The following ECT2L variants were observed in gnomAD, a reference collection of about 807,000 sequenced individuals.
ECT2L encodes epithelial cell-transforming sequence 2 oncogene-like.
A neutral mutation model predicts 122.8 loss-of-function variants in ECT2L; 126 were observed. That is an observed-to-expected ratio of 1.03 (90% CI 0.89 to 1.19). The LOEUF (loss-of-function observed/expected upper bound fraction) is 1.19. Among genes scored for constraint, ECT2L ranks in the 50% most tolerant of loss-of-function variants. ECT2L has a pLI of 0.00. For synonymous variants in ECT2L, 385 were observed against 381.8 expected, an observed-to-expected ratio of 1.01 and a Z score of -0.10; for missense variants, 1,012 against 1,064.1, an observed-to-expected ratio of 0.95 and a Z score of 0.68.
chr6:138,797,645 A>G (rs545202549), intron 1 of ECT2L, among the ~76,000 whole-genome samples: 10 of 104,608 alleles, frequency 9.6e-5, no homozygotes, highest in African/African-American at 2.1e-4. Context: ...TTCTGAGAGG[A>G]AAAAAAAAAC....
chr6:138,882,465 AT>A (rs1230738647), intron 15 of ECT2L, among the ~76,000 whole-genome samples: 1 of 152,154 alleles, frequency 6.6e-6, no homozygotes, highest in African/African-American at 2.4e-5. Context: ...CAGCAGCTGT[AT>A]TGTGGCCATT....
chr6:138,877,547 A>G lies in ECT2L; in HGVS notation c.1665+989A>G, dbSNP rs536316103. Among the ~76,000 whole-genome samples, 5 of 152,332 alleles carry G rather than the reference A, an allele frequency of 3.3e-5. No individual in the cohort carries two copies. The South Asian group carries it at 1.0e-3, about 32-fold the overall frequency. Reference sequence around the variant, plus strand: ...ACACATATAATATTAAAAAAATAATATGGACTGTAAGCCAACTGCCAAGTA... The same window carrying G: ...ACACATATAATATTAAAAAAATAATGTGGACTGTAAGCCAACTGCCAAGTA... On this transcript the variant is annotated intron_variant, in intron 14 of 21. Coordinates refer to ENST00000541398, the MANE Select transcript of ECT2L (RefSeq NM_001077706.3).
At chr6:138,875,004 T>C (rs573069085) in intron 13 of ECT2L, among the ~76,000 whole-genome samples, 186 of 152,262 alleles carry the variant, frequency 1.2e-3, no homozygotes, top group African/African-American at 4.3e-3. Context: ...GGGAGATCAA[T>C]TGAGCTTGGG....
At chr6:138,888,627 TAATAGCTAC>T (rs1199668371) in intron 19 of ECT2L, among the ~76,000 whole-genome samples, 5 of 152,150 alleles carry the variant, frequency 3.3e-5, no homozygotes, top group Non-Finnish European at 7.3e-5. Flanking sequence ...TTCTTTTTCT[TAATAGCTAC>T]CTTCTTATCC....
chr6:138,853,270 T>C (rs1777511115), intron 9 of ECT2L, among the ~76,000 whole-genome samples: 1 of 152,164 alleles, frequency 6.6e-6, no homozygotes, highest in Admixed American at 6.5e-5. Context: ...CTGGCCCTTA[T>C]TTTGTTTTTC....
At chr6:138,899,296 T>A (rs1779318695) in intron 20 of ECT2L, among the ~76,000 whole-genome samples, 1 of 152,162 alleles carries the variant, frequency 6.6e-6, no homozygotes, top group Non-Finnish European at 1.5e-5. Context: ...CACCATGAAG[T>A]ACTAGTCATT....
At chr6:138,882,556 TC>T (rs1040957772) in intron 15 of ECT2L, among the ~76,000 whole-genome samples, 167 bp from the exon 16 acceptor site, 1 of 152,132 alleles carries the variant, frequency 6.6e-6, no homozygotes, top group Non-Finnish European at 1.5e-5. Flanking sequence ...ACGTCCCAGT[TC>T]CCTTTCCTGT....
At chr6:138,868,400 T>C (rs923245640) in intron 13 of ECT2L, among the ~76,000 whole-genome samples, 194 bp downstream of exon 13, 1 of 152,040 alleles carries the variant, frequency 6.6e-6, no homozygotes, top group Non-Finnish European at 1.5e-5. Context: ...AACAGACAAG[T>C]AGGAAAATCT....
At position 138,891,060 on chromosome 6, in the gene ECT2L, T is replaced by C. The variant is rs191690199; in HGVS notation, c.2414+2029T>C. Among the ~76,000 whole-genome samples the C allele has an allele frequency of 4.4e-3, 671 of 152,150 alleles. 4 individuals carry two copies. The highest frequency in any genetic ancestry group is 0.015 in the African/African-American group (639 of 41,502). On this transcript the variant is annotated intron_variant, in intron 20 of 21. Coordinates refer to ENST00000541398, the MANE Select transcript of ECT2L (RefSeq NM_001077706.3). ...CCTGAAAAATGAGTTCAGGCCATGA[T>C]AGGAAGGGGGGATTGGATATGCCTC...
At chr6:138,833,325 A>T (rs1562463820) in intron 4 of ECT2L, among the ~76,000 whole-genome samples, 1 of 152,228 alleles carries the variant, frequency 6.6e-6, no homozygotes, top group Non-Finnish European at 1.5e-5. Context: ...TGTTTCCCCC[A>T]GCTTTTGCTA....
intron 5 of ECT2L, among the ~76,000 whole-genome samples, chr6:138,840,439 A>G (rs139342441): frequency 9.2e-5 from 14 of 152,214 alleles, no homozygotes; most frequent in African/African-American, 3.1e-4. Flanking sequence ...CATTTGGAAT[A>G]ATTTTCCTTT....
At chr6:138,873,892 G>GTGTGTGTGTGTGTGTGTGTGTGTA (rs1554276991) in intron 13 of ECT2L, among the ~76,000 whole-genome samples, 97 of 134,952 alleles carry the variant, frequency 7.2e-4, no homozygotes, top group African/African-American at 2.4e-3. Flanking sequence ...GTGTGTGTGT[G>GTGTGTGTGTGTGTGTGTGTGTGTA]TGTGTGTGTG....
At chr6:138,807,608 G>T (rs1562450176) in intron 1 of ECT2L, among the ~76,000 whole-genome samples, 2 of 152,182 alleles carry the variant, frequency 1.3e-5, no homozygotes, top group East Asian at 1.9e-4. Context: ...TTAAATTATG[G>T]CAATAATCTA....
intron 14 of ECT2L, 75 bp from the exon 15 acceptor site, chr6:138,880,882 C>T: frequency 7.5e-7 from 1 of 1,327,002 alleles, no homozygotes; most frequent in East Asian, 2.5e-5. Context: ...CAAGGGGGGT[C>T]TCCGTGTAGC....
At chr6:138,852,555 C>A (rs1777486534) in intron 9 of ECT2L, among the ~76,000 whole-genome samples, 1 of 151,942 alleles carries the variant, frequency 6.6e-6, no homozygotes, top group South Asian at 2.1e-4. Flanking sequence ...AAAGTGAGTC[C>A]CTGAGACACC....
At chr6:138,862,332 G>C (rs926579307) in intron 10 of ECT2L, among the ~76,000 whole-genome samples, 5 of 152,140 alleles carry the variant, frequency 3.3e-5, no homozygotes, top group Admixed American at 1.3e-4. Flanking sequence ...GAAGGTGAAG[G>C]GGCAGGTGGT....
At chr6:138,864,923 T>C in intron 11 of ECT2L, 73 bp from the exon 12 acceptor site, 1 of 1,406,434 alleles carries the variant, frequency 7.1e-7, no homozygotes, top group Non-Finnish European at 9.7e-7. Flanking sequence ...GATTTTGTTG[T>C]ACTTTAAACA....
In ECT2L at chr6:138,885,828, C is replaced by G. The variant is rs777015671; in HGVS notation, c.2257C>G (p.Gln753Glu). The change falls in exon 18 of 22, where the codon CAG (glutamine) becomes GAG (glutamate). Residue 753 changes from glutamine (Q) to glutamate (E), a missense_variant and splice_region_variant. Physicochemically the swap from Gln to Glu is conservative, Grantham distance 29. Coordinates refer to ENST00000541398, the MANE Select transcript of ECT2L (RefSeq NM_001077706.3). ...QIKKYKGYID[Q>E]MKQNITMKDH... ...CAAAAAATATAAAGGTTATATAGAT[C>G]AGGTTGGTTGCTGATAAGAATCTGT... is the stretch of plus-strand genomic sequence containing the variant. 6 of 1,612,336 alleles carry G rather than the reference C, an allele frequency of 3.7e-6. No individual in the cohort carries two copies. The East Asian group carries it at 1.3e-4, about 36-fold the overall frequency.
At chr6:138,888,679 A>G (rs1778914056) in intron 19 of ECT2L, among the ~76,000 whole-genome samples, 1 of 152,192 alleles carries the variant, frequency 6.6e-6, no homozygotes, top group Non-Finnish European at 1.5e-5. Context: ...GATATTAGGA[A>G]AGCACTTACA....
Sources: allele counts gnomAD v4.1 joint callset (sites outside exome capture counted in the v4.1 genomes callset), GRCh38; gene constraint gnomAD v4.1.1; transcripts MANE v1.5; gene names NCBI Gene and HGNC (gene_info 2026-07-23, HGNC 2026-07-21).